ACBD6: variants seen among roughly 807,000 people sequenced by gnomAD.
The protein encoded by ACBD6 is acyl-CoA binding domain containing 6.
A neutral mutation model predicts 37.2 loss-of-function variants in ACBD6; 28 were observed. The ratio of observed to expected loss-of-function variants is 0.75; its 90% CI spans 0.56 to 1.03. The LOEUF (loss-of-function observed/expected upper bound fraction) is 1.03. Among genes scored for constraint, ACBD6 ranks in the 50% least tolerant of loss-of-function variants. The pLI, the probability that ACBD6 is intolerant of heterozygous loss-of-function variation, is 0.00. For synonymous variants in ACBD6, 113 were observed against 126.8 expected, an observed-to-expected ratio of 0.89 and a Z score of 0.73; for missense variants, 340 against 337.4, an observed-to-expected ratio of 1.01 and a Z score of -0.06.
At chr1:180,376,561 G>A (rs1653443052) in intron 6 of ACBD6, among the ~76,000 whole-genome samples, 1 of 152,124 alleles carries the variant, frequency 6.6e-6, no homozygotes, top group Non-Finnish European at 1.5e-5. Flanking sequence ...AGGTGAAAAA[G>A]TGATGAGCAA....
intron 7 of ACBD6, among the ~76,000 whole-genome samples, chr1:180,291,801 T>C (rs1419617740): frequency 6.6e-6 from 1 of 152,218 alleles, no homozygotes; most frequent in Non-Finnish European, 1.5e-5. Flanking sequence ...TAGTTCTTTA[T>C]CATTATTCCT....
At chr1:180,367,496 T>A (rs1283438173) in intron 6 of ACBD6, among the ~76,000 whole-genome samples, 1 of 152,174 alleles carries the variant, frequency 6.6e-6, no homozygotes, top group Admixed American at 6.5e-5. Flanking sequence ...TTAAGCCCAG[T>A]ACTCAACAGT....
chr1:180,470,704 A>G (rs1418609945), intron 3 of ACBD6, among the ~76,000 whole-genome samples: 2 of 152,202 alleles, frequency 1.3e-5, no homozygotes, highest in East Asian at 3.8e-4. Context: ...TTTGCTAAAC[A>G]CCTAGAAAAG....
At chr1:180,376,268 C>T (rs1366046558) in intron 6 of ACBD6, among the ~76,000 whole-genome samples, 1 of 152,136 alleles carries the variant, frequency 6.6e-6, no homozygotes, top group Non-Finnish European at 1.5e-5. Flanking sequence ...GGAAATTTGG[C>T]AACATCTAAC....
chr1:180,315,084 T>A (rs1650745705), intron 6 of ACBD6, among the ~76,000 whole-genome samples: 1 of 152,042 alleles, frequency 6.6e-6, no homozygotes, highest in Admixed American at 6.6e-5. Context: ...TTAGGATTTT[T>A]TTTTTCCTAA....
intron 3 of ACBD6, among the ~76,000 whole-genome samples, chr1:180,432,663 G>A (rs924489313): frequency 2.0e-5 from 3 of 151,998 alleles, no homozygotes; most frequent in Non-Finnish European, 4.4e-5. Context: ...AAAGAAATGA[G>A]CTATTCTAGG....
chr1:180,368,778 TAATAA>T (rs1653147367), intron 6 of ACBD6, among the ~76,000 whole-genome samples: 1 of 151,794 alleles, frequency 6.6e-6, no homozygotes, highest in Non-Finnish European at 1.5e-5. Context: ...CAACAATCAC[TAATAA>T]AATAGAACAA....
chr1:180,452,255 A>C (rs917069063), intron 3 of ACBD6, among the ~76,000 whole-genome samples: 12 of 152,116 alleles, frequency 7.9e-5, no homozygotes, highest in Non-Finnish European at 1.5e-4. Flanking sequence ...GCAGATCACG[A>C]GGTCAAGAGA....
intron 6 of ACBD6, among the ~76,000 whole-genome samples, chr1:180,345,419 T>C (rs1373499161): frequency 1.3e-5 from 2 of 152,202 alleles, no homozygotes; most frequent in African/African-American, 4.8e-5. Flanking sequence ...GTTAGGAGCA[T>C]ACATTAGTAT....
chr1:180,417,307 TCTC>T lies in ACBD6; in HGVS notation c.468-3839_468-3837del, dbSNP rs1479579271. Among the ~76,000 whole-genome samples the T allele has an allele frequency of 5.3e-5, 8 of 152,106 alleles. 1 individual carries two copies. The highest frequency in any genetic ancestry group is 8.8e-5 in the Non-Finnish European group (6 of 68,010). On this transcript the variant is annotated intron_variant, in intron 4 of 7. Transcript: ENST00000367595. ...CACATTCCCTCTGCTCAAACACTCTTCTCCTCGTTTGTAAAGGAGAGGCATTAC... is the reference window on the plus strand; with the variant it reads ...CACATTCCCTCTGCTCAAACACTCTTCTCGTTTGTAAAGGAGAGGCATTAC...
chr1:180,471,402 G>GAAA (rs10682632), intron 3 of ACBD6, among the ~76,000 whole-genome samples: 13 of 139,498 alleles, frequency 9.3e-5, no homozygotes, highest in Non-Finnish European at 9.1e-5. Context: ...AGATTTTAAG[G>GAAA]AAAAAAAAAA....
chr1:180,286,762 A>G (rs1160388219), downstream of ACBD6, among the ~76,000 whole-genome samples: 1 of 152,230 alleles, frequency 6.6e-6, no homozygotes, highest in Admixed American at 6.5e-5. Context: ...TTTGGTTTAT[A>G]TCTCAGAAAA....
At chr1:180,310,966 A>C (rs1034489590) in intron 7 of ACBD6, among the ~76,000 whole-genome samples, 1 of 152,208 alleles carries the variant, frequency 6.6e-6, no homozygotes, top group Non-Finnish European at 1.5e-5. Flanking sequence ...GTACAAAGGT[A>C]CATAAGATGT....
At chr1:180,470,156 G>A (rs756435171) in intron 3 of ACBD6, among the ~76,000 whole-genome samples, 7 of 152,034 alleles carry the variant, frequency 4.6e-5, no homozygotes, top group South Asian at 2.1e-4. Flanking sequence ...TCCCTATATC[G>A]TATTTCAATC....
chr1:180,490,232 G>A (rs1027067293), intron 3 of ACBD6, among the ~76,000 whole-genome samples: 1 of 152,294 alleles, frequency 6.6e-6, no homozygotes, highest in African/African-American at 2.4e-5. Flanking sequence ...GGGGGCACCT[G>A]TTTTGAGCAC....
Position 180,397,556 on chromosome 1 carries a change from A to G in ACBD6, c.623T>C (p.Val208Ala), listed in dbSNP as rs1285022407. 5 of 1,613,978 alleles carry G rather than the reference A, an allele frequency of 3.1e-6. No individual in the cohort carries two copies. Among genetic ancestry groups the G allele is most frequent in the African/African-American group, 1.3e-5 (1 of 74,914 alleles). The change falls in exon 6 of 8, where the codon GTC (valine) becomes GCC (alanine). Residue 208 changes from valine (V) to alanine (A), a missense_variant. By Grantham distance (64) the Val-to-Ala change is moderately conservative. Transcript: ENST00000367595. ...WACDRGHKEL[V>A]TVLLQHRADI... ...AGCTCTATGTTGCAGCAACACTGTG[A>G]CTAGTTCCTTATGTCCTCGATCACA...
At chr1:180,483,405 TAATAC>T (rs926863489) in intron 3 of ACBD6, among the ~76,000 whole-genome samples, 23 of 152,150 alleles carry the variant, frequency 1.5e-4, no homozygotes, top group African/African-American at 5.3e-4. Context: ...ACAACTTTAC[TAATAC>T]ATTATTAATA....
chr1:180,430,432 T>C (rs914968430), intron 3 of ACBD6, among the ~76,000 whole-genome samples, 170 bp from the exon 4 acceptor site: 4 of 152,194 alleles, frequency 2.6e-5, no homozygotes, highest in Non-Finnish European at 5.9e-5. Context: ...GCAATAGGAT[T>C]CTCAGGTCAT....
At chr1:180,287,958 C>T (rs1649558019), downstream of ACBD6, among the ~76,000 whole-genome samples, 1 of 152,100 alleles carries the variant, frequency 6.6e-6, no homozygotes, top group African/African-American at 2.4e-5. Flanking sequence ...GTACAAAATG[C>T]TACAAAAGAT....
Sources: allele counts gnomAD v4.1 joint callset (sites outside exome capture counted in the v4.1 genomes callset), GRCh38; gene constraint gnomAD v4.1.1; transcripts MANE v1.5; gene names NCBI Gene and HGNC (gene_info 2026-07-23, HGNC 2026-07-21).